SHISA9: variants seen among roughly 807,000 people sequenced by gnomAD.
SHISA9 encodes the protein protein shisa-9.
Under a neutral mutation model 38.0 loss-of-function variants are expected in SHISA9, and 13 were observed. The ratio of observed to expected loss-of-function variants is 0.34; its 90% CI spans 0.22 to 0.54. The LOEUF is 0.54. Ranked by LOEUF, SHISA9 falls within the 20% of genes least tolerant of loss-of-function variation. The probability of loss-of-function intolerance (pLI) is 0.91; values close to 1 mark genes in which losing one functional copy is unlikely to be tolerated. For synonymous variants in SHISA9, 275 were observed against 242.0 expected, an observed-to-expected ratio of 1.14 and a Z score of -1.27; for missense variants, 538 against 575.8, an observed-to-expected ratio of 0.93 and a Z score of 0.67.
At chr16:13,008,384 CT>C (rs1308530520) in intron 2 of SHISA9, among the ~76,000 whole-genome samples, 1 of 152,194 alleles carries the variant, frequency 6.6e-6, no homozygotes, top group Non-Finnish European at 1.5e-5. Context: ...GTCTCAAAGT[CT>C]GCTTCTGTGG....
chr16:13,472,854 A>T, the SHISA9 span, among the ~76,000 whole-genome samples: 1 of 152,148 alleles, frequency 6.6e-6, no homozygotes, highest in Non-Finnish European at 1.5e-5. Context: ...AAGAATGTCC[A>T]TGTCTTTTTA....
At chr16:13,470,982 G>A in the SHISA9 span, among the ~76,000 whole-genome samples, 1 of 151,984 alleles carries the variant, frequency 6.6e-6, no homozygotes, top group Non-Finnish European at 1.5e-5. Flanking sequence ...GGCAGGATAG[G>A]AGGAAAGACA....
intron 2 of SHISA9, among the ~76,000 whole-genome samples, chr16:13,127,900 G>A (rs1207243641): frequency 6.6e-6 from 1 of 152,176 alleles, no homozygotes; most frequent in Non-Finnish European, 1.5e-5. Context: ...TGCTGGGAGA[G>A]CCCAGCTTCT....
intron 2 of SHISA9, among the ~76,000 whole-genome samples, chr16:12,939,534 C>T (rs948553937): frequency 2.0e-5 from 3 of 152,128 alleles, no homozygotes; most frequent in East Asian, 3.9e-4. Flanking sequence ...TGAGAATGAG[C>T]GTGGACCATA....
chr16:13,129,453 G>C (rs1440006713), intron 2 of SHISA9, among the ~76,000 whole-genome samples: 2 of 152,172 alleles, frequency 1.3e-5, no homozygotes, highest in Non-Finnish European at 2.9e-5. Flanking sequence ...AGATGGGAGG[G>C]TTTTAGTAGA....
chr16:13,045,252 C>G (rs1394065354), intron 2 of SHISA9, among the ~76,000 whole-genome samples: 1 of 151,748 alleles, frequency 6.6e-6, no homozygotes, highest in East Asian at 1.9e-4. Flanking sequence ...CTAAGTAGCT[C>G]ACACATATTA....
the SHISA9 span, among the ~76,000 whole-genome samples, chr16:13,526,931 C>T: frequency 6.6e-6 from 1 of 151,940 alleles, no homozygotes; most frequent in African/African-American, 2.4e-5. Context: ...TTCCTGTAAC[C>T]GAATGACTTC....
chr16:13,454,949 GAAT>G, the SHISA9 span, among the ~76,000 whole-genome samples: 1 of 152,226 alleles, frequency 6.6e-6, no homozygotes, highest in Middle Eastern at 3.4e-3. Flanking sequence ...CTATTTAGTG[GAAT>G]GCTATCTGTG....
At position 12,902,137 on chromosome 16, in the gene SHISA9, G is replaced by T; in HGVS notation, c.73G>T (p.Glu25Ter). The T allele has an allele frequency of 6.6e-7, 1 of 1,515,618 alleles. No individual in the cohort carries two copies. The allele number at this position is 1,515,618 out of a possible 1,614,324, so 93.9% of individuals were successfully genotyped here. A position where few individuals can be genotyped will look rare whatever the true frequency, so the allele number is the denominator to read the frequency against. The change falls in exon 1 of 5, where the codon GAG becomes TAG. Residue 25 changes from glutamate (E) to a stop codon, truncating the protein, a stop_gained. Transcript: ENST00000558583. LOFTEE classifies it high-confidence loss of function. Reference protein sequence around the residue: ...ELCARVCRAQERAGHGQLAQL... With the variant: ...ELCARVCRAQ ...GTGCGCCCGCGTGTGCCGGGCGCAG[G>T]AGCGAGCGGGACACGGGCAGCTGGC...
At chr16:13,544,294 G>A in the SHISA9 span, among the ~76,000 whole-genome samples, 1 of 148,614 alleles carries the variant, frequency 6.7e-6, no homozygotes, top group Admixed American at 6.7e-5. Context: ...TATAGATAAG[G>A]AAACCTTAGC....
At chr16:13,328,816 T>A in the SHISA9 span, among the ~76,000 whole-genome samples, 1 of 152,124 alleles carries the variant, frequency 6.6e-6, no homozygotes, top group Admixed American at 6.6e-5. Flanking sequence ...ACTGGTGATA[T>A]AGGAGTTAAG....
intron 4 of SHISA9, among the ~76,000 whole-genome samples, chr16:13,226,542 GC>G (rs1412628738): frequency 6.6e-6 from 1 of 152,194 alleles, no homozygotes; most frequent in African/African-American, 2.4e-5. Flanking sequence ...TCACCTCAAA[GC>G]TTTTGCAAAT....
intron 2 of SHISA9, among the ~76,000 whole-genome samples, chr16:13,008,672 TCC>T (rs1491441033): frequency 0.024 from 1,880 of 79,920 alleles, 81 homozygotes; most frequent in African/African-American, 0.088. Context: ...CCTTCCTCCC[TCC>T]CTCCCTCTCT....
chr16:13,062,016 G>A (rs531468084), intron 2 of SHISA9, among the ~76,000 whole-genome samples: 158 of 152,298 alleles, frequency 1.0e-3, no homozygotes, highest in African/African-American at 3.8e-3. Flanking sequence ...AGCAAGTAGG[G>A]AAGGCGAAGT....
intron 1 of SHISA9, chr16:12,908,984 A>C (rs1419912166): frequency 3.0e-6 from 3 of 1,004,848 alleles, no homozygotes; most frequent in African/African-American, 3.5e-5. Context: ...AAATAGCAAC[A>C]AATAATGATA....
chr16:12,929,897 C>T (rs2071441566), intron 2 of SHISA9, among the ~76,000 whole-genome samples: 1 of 152,164 alleles, frequency 6.6e-6, no homozygotes, highest in Non-Finnish European at 1.5e-5. Context: ...AAGCTTCCTC[C>T]AGATCTTTGC....
At chr16:13,092,807 C>G (rs964626288) in intron 2 of SHISA9, among the ~76,000 whole-genome samples, 2 of 152,200 alleles carry the variant, frequency 1.3e-5, no homozygotes, top group Admixed American at 6.5e-5. Context: ...CCTGCTTCAG[C>G]TTGCCCTCCT....
the SHISA9 span, among the ~76,000 whole-genome samples, chr16:13,372,189 A>G: frequency 2.6e-5 from 4 of 152,342 alleles, no homozygotes; most frequent in South Asian, 2.1e-4. Flanking sequence ...GCATCCCCCA[A>G]TCAGACTTTG....
At chr16:13,371,003 A>C in the SHISA9 span, among the ~76,000 whole-genome samples, 4 of 152,308 alleles carry the variant, frequency 2.6e-5, no homozygotes, top group Middle Eastern at 3.4e-3. Context: ...AACGACAAAT[A>C]ATTTTTTACT....
Sources: allele counts gnomAD v4.1 joint callset (sites outside exome capture counted in the v4.1 genomes callset), GRCh38; gene constraint gnomAD v4.1.1; transcripts MANE v1.5; gene names NCBI Gene and HGNC (gene_info 2026-07-23, HGNC 2026-07-21).